Variants in DYNC1I1 observed in about 807,000 individuals in gnomAD.
DYNC1I1 encodes the protein cytoplasmic dynein 1 intermediate chain 1.
A neutral mutation model predicts 86.6 loss-of-function variants in DYNC1I1; 43 were observed. That is an observed-to-expected ratio of 0.50 (90% CI 0.39 to 0.64). The LOEUF (loss-of-function observed/expected upper bound fraction) is 0.64. Among genes scored for constraint, DYNC1I1 ranks in the 30% least tolerant of loss-of-function variants. The pLI is 0.00. For synonymous variants in DYNC1I1, 262 were observed against 283.7 expected (o/e 0.92, Z 0.77); for missense variants, 604 against 788.8 (o/e 0.77, Z 2.81).
At chr7:95,941,511 C>G (rs1327844712) in intron 6 of DYNC1I1, among the ~76,000 whole-genome samples, 1 of 152,112 alleles carries the variant, frequency 6.6e-6, no homozygotes. Flanking sequence ...CAATGGCGGG[C>G]GCCCCTCCCC....
rs34562315 is a variant in DYNC1I1 at position 96,004,646 on chromosome 7, G to GCACACA, written c.969+8600_969+8605dup. On this transcript the variant is annotated intron_variant, in intron 10 of 16. Coordinates refer to ENST00000447467, the MANE Select transcript of DYNC1I1 (RefSeq NM_001135556.2). ...AGTGCTCATGCTCACATAAATGCATGCACACACACACACACACACACACAC... is the reference window on the plus strand; with the variant it reads ...AGTGCTCATGCTCACATAAATGCATGCACACACACACACACACACACACACACACAC... Among the ~76,000 whole-genome samples the GCACACA allele has an allele frequency of 2.6e-3, 377 of 146,236 alleles. 1 individual carries two copies. Among genetic ancestry groups the GCACACA allele is most frequent in the Middle Eastern group, 0.017 (5 of 290 alleles).
At chr7:96,107,033 C>CAT (rs1554447872) in intron 16 of DYNC1I1, among the ~76,000 whole-genome samples, 1 of 145,772 alleles carries the variant, frequency 6.9e-6, no homozygotes, top group African/African-American at 2.5e-5. Flanking sequence ...TTCATTCATA[C>CAT]TTTTTTTTTT....
chr7:95,779,149 T>C (rs1793921685), intron 1 of DYNC1I1, among the ~76,000 whole-genome samples: 1 of 152,206 alleles, frequency 6.6e-6, no homozygotes, highest in Admixed American at 6.5e-5. Context: ...AACAAAGAAT[T>C]ATCTGACCCA....
chr7:95,868,722 A>T (rs533314365), intron 5 of DYNC1I1, among the ~76,000 whole-genome samples: 1 of 152,322 alleles, frequency 6.6e-6, no homozygotes, highest in East Asian at 1.9e-4. Flanking sequence ...ATGACTACAT[A>T]ATATATATGT....
At chr7:95,775,313 T>C (rs1437976673) in intron 1 of DYNC1I1, among the ~76,000 whole-genome samples, 1 of 152,236 alleles carries the variant, frequency 6.6e-6, no homozygotes, top group African/African-American at 2.4e-5. Flanking sequence ...TCTTCTCTTA[T>C]CTCATTTTAA....
At chr7:96,039,484 C>T in intron 14 of DYNC1I1, 63 bp downstream of exon 14, 1 of 1,603,324 alleles carries the variant, frequency 6.2e-7, no homozygotes, top group East Asian at 2.2e-5. Context: ...TTTTTCATTC[C>T]CTGGAAACAG....
intron 6 of DYNC1I1, among the ~76,000 whole-genome samples, chr7:95,932,872 T>C (rs879823569): frequency 1.4e-4 from 17 of 121,536 alleles, no homozygotes; most frequent in Non-Finnish European, 2.2e-4. Flanking sequence ...TCTTTATTTA[T>C]TTTTTAATTT....
At chr7:95,880,637 T>G (rs1028674816) in intron 6 of DYNC1I1, among the ~76,000 whole-genome samples, 17 of 123,026 alleles carry the variant, frequency 1.4e-4, no homozygotes, top group African/African-American at 5.1e-4. Flanking sequence ...CTACATCTTC[T>G]TACTTTTTTT....
At chr7:95,793,567 T>C (rs1308081012) in intron 1 of DYNC1I1, among the ~76,000 whole-genome samples, 1 of 152,184 alleles carries the variant, frequency 6.6e-6, no homozygotes, top group Non-Finnish European at 1.5e-5. Flanking sequence ...CAACAGCAGT[T>C]TAGAATTATT....
chr7:96,026,578 A>G (rs929105267), intron 10 of DYNC1I1, among the ~76,000 whole-genome samples: 1 of 152,148 alleles, frequency 6.6e-6, no homozygotes, highest in African/African-American at 2.4e-5. Context: ...TGTCTAGCCC[A>G]GGCAATCTCT....
chr7:95,988,297 A>C (rs866986146), intron 9 of DYNC1I1, among the ~76,000 whole-genome samples: 1 of 152,156 alleles, frequency 6.6e-6, no homozygotes, highest in African/African-American at 2.4e-5. Flanking sequence ...GAATTGCTTG[A>C]ACCCAAGAGG....
At chr7:95,881,628 G>C (rs1401188347) in intron 6 of DYNC1I1, among the ~76,000 whole-genome samples, 1 of 152,210 alleles carries the variant, frequency 6.6e-6, no homozygotes, top group Non-Finnish European at 1.5e-5. Context: ...AATAGAGCAA[G>C]TGTTCATTTT....
At chr7:95,930,702 G>T (rs1310006425) in intron 6 of DYNC1I1, among the ~76,000 whole-genome samples, 1 of 152,178 alleles carries the variant, frequency 6.6e-6, no homozygotes, top group African/African-American at 2.4e-5. Flanking sequence ...ATTAAAACTA[G>T]GCTGGTTTTC....
intron 1 of DYNC1I1, among the ~76,000 whole-genome samples, chr7:95,782,329 A>G (rs1371585741): frequency 6.6e-6 from 1 of 152,172 alleles, no homozygotes; most frequent in Non-Finnish European, 1.5e-5. Flanking sequence ...CCTGCTAATA[A>G]CTACAGTCTC....
chr7:96,095,799 A>G (rs567356067), intron 16 of DYNC1I1, among the ~76,000 whole-genome samples: 1 of 152,112 alleles, frequency 6.6e-6, no homozygotes, highest in South Asian at 2.1e-4. Context: ...TGGGGGCCTC[A>G]TTTTCCAGGT....
intron 6 of DYNC1I1, among the ~76,000 whole-genome samples, chr7:95,878,339 T>G (rs1482042873): frequency 6.6e-6 from 1 of 152,052 alleles, no homozygotes; most frequent in East Asian, 1.9e-4. Flanking sequence ...GTATGATTAC[T>G]ATATTTCACC....
rs139722423 is a variant in DYNC1I1, at chr7:96,042,621, G to A, written c.1509+3200G>A. On this transcript the variant is annotated intron_variant, in intron 14 of 16. Coordinates refer to ENST00000447467, the MANE Select transcript of DYNC1I1 (RefSeq NM_001135556.2). ...AAACCAAGTTGAGTAAGCTTCTGTT[G>A]GCCCAGACAACATCAATAAGAGTAA... is the stretch of plus-strand genomic sequence containing the variant. 6.2e-3 allele frequency among the ~76,000 whole-genome samples: 951 copies of A among 152,180 alleles called. 6 individuals are homozygous for A. Among genetic ancestry groups the A allele is most frequent in the African/African-American group, 0.022 (901 of 41,516 alleles).
In DYNC1I1 at chr7:95,804,756, T is replaced by A; in HGVS notation, c.27T>A (p.Ala9=). ...TGTCTGACAAAAGTGACTTAAAAGC[T>A]GAGCTAGAGCGCAAAAAGCAGCGCT... MSDKSDLK[A]ELERKKQRLA... Residue 9 remains alanine (A), a synonymous_variant, in exon 2 of 17, where the codon GCT becomes GCA. Coordinates refer to ENST00000447467, the MANE Select transcript of DYNC1I1 (RefSeq NM_001135556.2). 6.2e-7 allele frequency: 1 copy of A among 1,600,696 alleles called. No homozygotes were observed. Among genetic ancestry groups the A allele is most frequent in the Non-Finnish European group, 8.5e-7 (1 of 1,173,326 alleles).
At position 96,031,019 on chromosome 7, in the gene DYNC1I1, G is replaced by A. The variant is rs548949792; in HGVS notation, c.1117-1648G>A. ...AGGGACATGGTGTGAAAGACATAGG[G>A]ACTTAGCTGACTGTCCATCAGCACG... On this transcript the variant is annotated intron_variant, in intron 11 of 16. Transcript: ENST00000447467. Among the ~76,000 whole-genome samples, 55 of 152,204 alleles carry A rather than the reference G, an allele frequency of 3.6e-4. 3 individuals carry two copies. In the Middle Eastern group the frequency reaches 0.014, roughly 38 times the overall value.
Sources: gnomAD v4.1 joint callset for allele counts (sites outside exome capture counted in the v4.1 genomes callset) on GRCh38, gnomAD v4.1.1 for gene constraint, MANE v1.5 for transcripts, NCBI Gene and HGNC (gene_info 2026-07-23, HGNC 2026-07-21) for gene names.